Variants in TP73 observed in about 807,000 individuals in gnomAD.
The protein encoded by TP73 is tumor protein p73.
A neutral mutation model predicts 62.5 loss-of-function variants in TP73; 25 were observed. The ratio of observed to expected loss-of-function variants is 0.40; its 90% CI spans 0.29 to 0.56. The LOEUF (loss-of-function observed/expected upper bound fraction) is 0.56, where lower values mean the gene tolerates loss of function less well. Among genes scored for constraint, TP73 ranks in the 20% least tolerant of loss-of-function variants. The pLI is 0.46. For synonymous variants in TP73, 423 were observed against 377.5 expected (o/e 1.12, Z -1.40); for missense variants, 754 against 913.3 (o/e 0.83, Z 2.25).
chr1:3,655,213 C>A (rs922803010), intron 1 of TP73, among the ~76,000 whole-genome samples: 1 of 152,166 alleles, frequency 6.6e-6, no homozygotes, highest in African/African-American at 2.4e-5. Context: ...ATGGTGAAAT[C>A]TTGTCCCCAC....
intron 1 of TP73, among the ~76,000 whole-genome samples, chr1:3,653,072 G>A (rs994961630): frequency 1.3e-5 from 2 of 152,210 alleles, no homozygotes; most frequent in Non-Finnish European, 2.9e-5. Flanking sequence ...CGCTCCCTCC[G>A]ACCTGCAGGG....
chr1:3,729,251 C>T (rs574954482), intron 9 of TP73, 76 bp from the exon 10 acceptor site: 2 of 1,589,226 alleles, frequency 1.3e-6, no homozygotes, highest in Middle Eastern at 2.1e-4. Flanking sequence ...AAGCCCAGGT[C>T]CTCCTGAGGC....
intron 4 of TP73, among the ~76,000 whole-genome samples, chr1:3,711,162 G>T (rs1428262321): frequency 6.6e-6 from 1 of 152,256 alleles, no homozygotes; most frequent in Admixed American, 6.5e-5. Flanking sequence ...CCATGGTGGG[G>T]ACAAAGGAGC....
chr1:3,711,312 T>C (rs1395601714), intron 4 of TP73, among the ~76,000 whole-genome samples: 1 of 152,076 alleles, frequency 6.6e-6, no homozygotes, highest in Non-Finnish European at 1.5e-5. Context: ...GGGCTCAGAG[T>C]GTGGGCAGAG....
At chr1:3,705,930 G>A (rs894818325) in intron 3 of TP73, among the ~76,000 whole-genome samples, 1 of 152,242 alleles carries the variant, frequency 6.6e-6, no homozygotes, top group African/African-American at 2.4e-5. Flanking sequence ...ACCTCTGATG[G>A]AGAAGGCTGA....
Position 3,666,606 on chromosome 1 carries a change from C to T in TP73, c.-34+13965C>T, listed in dbSNP as rs1645119724. On this transcript the variant is annotated intron_variant, in intron 1 of 13. Transcript: ENST00000378295. The surrounding 1 kb of genome is among the most constrained non-coding windows in gnomAD (Gnocchi z 6.4). The stretch of plus-strand genomic sequence containing the variant: ...GGTCCCTCTGCTGGCTCCCTCCCCA[C>T]CACCTCCTGCCCACCTCCCTGGCCT... Among the ~76,000 whole-genome samples the T allele has an allele frequency of 6.6e-6, 1 of 152,086 alleles. No homozygotes were observed. Among genetic ancestry groups the T allele is most frequent in the African/African-American group, 2.4e-5 (1 of 41,392 alleles).
intron 1 of TP73, among the ~76,000 whole-genome samples, chr1:3,665,814 C>G (rs1209977691): frequency 7.5e-6 from 1 of 133,280 alleles, no homozygotes; most frequent in Non-Finnish European, 1.6e-5. Flanking sequence ...ACCACCGTGC[C>G]CGGCCTTTTT....
chr1:3,717,388 G>A (rs545349158), intron 4 of TP73, among the ~76,000 whole-genome samples: 38 of 152,324 alleles, frequency 2.5e-4, no homozygotes, highest in Admixed American at 4.6e-4. Flanking sequence ...GCACAGTGGC[G>A]TTTGGGCAAA....
At position 3,699,326 on chromosome 1, in the gene TP73, A is replaced by G. The variant is rs1638958049; in HGVS notation, c.187-8223A>G. Among the ~76,000 whole-genome samples, 1 of 152,156 alleles carries G rather than the reference A, an allele frequency of 6.6e-6. No individual in the cohort carries two copies. Among genetic ancestry groups the G allele is most frequent in the Admixed American group, 6.5e-5 (1 of 15,276 alleles). ...GTGAGGTTGGGGCCCAAGTTCAGAC[A>G]TGCCCACGAGAGATCAGGGAGTTTG... On this transcript the variant is annotated intron_variant, in intron 3 of 13. Transcript: ENST00000378295. The surrounding 1 kb of genome is among the most constrained non-coding windows in gnomAD (Gnocchi z 4.1).
intron 6 of TP73, among the ~76,000 whole-genome samples, chr1:3,723,834 C>A (rs1019699891): frequency 4.6e-5 from 7 of 152,204 alleles, no homozygotes; most frequent in Non-Finnish European, 7.3e-5. Flanking sequence ...GAGGTCCCCG[C>A]CCATTTAGAC....
At chr1:3,656,649 G>T (rs1644871190) in intron 1 of TP73, among the ~76,000 whole-genome samples, 2 of 152,190 alleles carry the variant, frequency 1.3e-5, no homozygotes, top group African/African-American at 4.8e-5. Flanking sequence ...CTATGACCAC[G>T]AAGCTGGGAC....
Position 3,733,121 on chromosome 1 carries a change from C to G in TP73, c.*42C>G. ...CAGCCTGCGCCACCGCCCAGAGACC[C>G]AAGCTGCCTCCCCTCTCCTTCCTGT... On this transcript the variant is annotated 3_prime_UTR_variant, in exon 14 of 14. Coordinates refer to ENST00000378295, the MANE Select transcript of TP73 (RefSeq NM_005427.4). The G allele has an allele frequency of 6.7e-7, 1 of 1,487,896 alleles. No homozygotes were observed. The highest frequency in any genetic ancestry group is 1.3e-5 in the South Asian group (1 of 77,032). 92.2% of individuals were successfully genotyped at this position (1,487,896 alleles called of 1,614,324 possible).
At position 3,720,024 on chromosome 1, in the gene TP73, T is replaced by G. The variant is rs1640945148; in HGVS notation, c.430-1997T>G. ...TCCACCTCCCGAGTTCAAGCGATTC[T>G]CCTGCCTCCTGCCTCAGCTTCCTGA... On this transcript the variant is annotated intron_variant, in intron 4 of 13. Coordinates refer to ENST00000378295, the MANE Select transcript of TP73 (RefSeq NM_005427.4). 4.6e-5 allele frequency among the ~76,000 whole-genome samples: 7 copies of G among 151,940 alleles called. No individual in the cohort carries two copies. The South Asian group carries it at 1.5e-3, about 32-fold the overall frequency.
intron 1 of TP73, 72 bp from the exon 2 acceptor site, chr1:3,682,261 C>T: frequency 8.3e-7 from 1 of 1,200,266 alleles, no homozygotes; most frequent in Non-Finnish European, 1.1e-6. Context: ...CTGCCGCCCC[C>T]ACCGAGGCTG....
intron 3 of TP73, among the ~76,000 whole-genome samples, chr1:3,684,150 G>T (rs564617579): frequency 1.6e-4 from 25 of 152,352 alleles, no homozygotes; most frequent in African/African-American, 6.0e-4. Flanking sequence ...ATCCCGACCT[G>T]GGAGGCCCAG....
chr1:3,697,777 A>T (rs896606574), intron 3 of TP73, among the ~76,000 whole-genome samples: 4 of 152,326 alleles, frequency 2.6e-5, no homozygotes, highest in African/African-American at 7.2e-5. Flanking sequence ...CTAACTGGGG[A>T]GGGGACAGGC....
At chr1:3,720,718 G>C (rs1641003753) in intron 4 of TP73, among the ~76,000 whole-genome samples, 1 of 152,224 alleles carries the variant, frequency 6.6e-6, no homozygotes, top group East Asian at 1.9e-4. Context: ...AAGGACCTAT[G>C]TGGCTCCTGA....
At chr1:3,704,559 G>A (rs1353174160) in intron 3 of TP73, among the ~76,000 whole-genome samples, 3 of 152,188 alleles carry the variant, frequency 2.0e-5, no homozygotes, top group South Asian at 2.1e-4. Flanking sequence ...AGGCCTGGGC[G>A]CTGCTCCTGC....
intron 9 of TP73, 99 bp from the exon 10 acceptor site, chr1:3,729,228 C>G (rs572786628): frequency 2.1e-4 from 323 of 1,533,896 alleles, no homozygotes; most frequent in Non-Finnish European, 2.6e-4. Flanking sequence ...CCAGAAAGGA[C>G]AGATGCTTTG....
Sources: allele counts gnomAD v4.1 joint callset (sites outside exome capture counted in the v4.1 genomes callset), GRCh38; gene constraint gnomAD v4.1.1; non-coding constraint Gnocchi (gnomAD v3.1); transcripts MANE v1.5; gene names NCBI Gene and HGNC (gene_info 2026-07-23, HGNC 2026-07-21).